The following DYNC1I1 variants were observed in gnomAD, a reference collection of about 807,000 sequenced individuals.
The protein encoded by DYNC1I1 is cytoplasmic dynein 1 intermediate chain 1.
A neutral mutation model predicts 86.6 loss-of-function variants in DYNC1I1; 43 were observed. The ratio of observed to expected loss-of-function variants is 0.50; its 90% confidence interval spans 0.39 to 0.64. The LOEUF is 0.64. Ranked by LOEUF, DYNC1I1 falls within the 30% of genes least tolerant of loss-of-function variation. The probability of loss-of-function intolerance (pLI) is 0.00; values close to 1 mark genes in which losing one functional copy is unlikely to be tolerated. For synonymous variants in DYNC1I1, 262 were observed against 283.7 expected (o/e 0.92, Z 0.77); for missense variants, 604 against 788.8 (o/e 0.77, Z 2.81).
In DYNC1I1 at chr7:96,097,749, G is replaced by T; in HGVS notation, c.*156G>T. The T allele has an allele frequency of 7.3e-7, 1 of 1,377,072 alleles. No homozygotes were observed. Among genetic ancestry groups the T allele is most frequent in the Non-Finnish European group, 9.4e-7 (1 of 1,059,108 alleles). The allele number at this position is 1,377,072 out of a possible 1,614,324, so 85.3% of individuals were successfully genotyped here. A position where few individuals can be genotyped will look rare whatever the true frequency, so the allele number is the denominator to read the frequency against. ...CAGCTTTGCTCCAAGTATTCTAAAT[G>T]TGTCCCATCATGCTTTCCACTGACC... is the stretch of plus-strand genomic sequence containing the variant. On this transcript the variant is annotated 3_prime_UTR_variant, in exon 17 of 17. Transcript: ENST00000447467.
chr7:96,057,230 A>G (rs1049536360), intron 14 of DYNC1I1, among the ~76,000 whole-genome samples: 3 of 152,170 alleles, frequency 2.0e-5, no homozygotes, highest in African/African-American at 7.2e-5. Context: ...GAGAATGAGG[A>G]AAGTATTGGA....
chr7:96,073,208 T>C (rs1300055660), intron 14 of DYNC1I1, among the ~76,000 whole-genome samples: 1 of 152,220 alleles, frequency 6.6e-6, no homozygotes, highest in Non-Finnish European at 1.5e-5. Flanking sequence ...CTAGAATTAT[T>C]TGCACAGCAA....
intron 7 of DYNC1I1, among the ~76,000 whole-genome samples, chr7:95,980,373 C>T (rs911671249): frequency 2.0e-5 from 3 of 151,294 alleles, no homozygotes; most frequent in Non-Finnish European, 2.9e-5. Context: ...CAGATATAAT[C>T]GTGGCGCCAT....
At chr7:95,870,661 A>G (rs767582228) in intron 6 of DYNC1I1, among the ~76,000 whole-genome samples, 1 of 152,262 alleles carries the variant, frequency 6.6e-6, no homozygotes, top group Non-Finnish European at 1.5e-5. Context: ...GGTGAATGGA[A>G]ATTGAACTCC....
chr7:95,778,783 T>C (rs1184093799), intron 1 of DYNC1I1, among the ~76,000 whole-genome samples: 2 of 152,028 alleles, frequency 1.3e-5, no homozygotes, highest in Admixed American at 6.6e-5. Context: ...AACTCATCCT[T>C]CCAAGTAACT....
intron 5 of DYNC1I1, among the ~76,000 whole-genome samples, chr7:95,861,865 A>T (rs1430334853): frequency 1.3e-5 from 2 of 152,154 alleles, no homozygotes; most frequent in African/African-American, 2.4e-5. Flanking sequence ...CATCTGTGAG[A>T]TTTAGCACCT....
chr7:96,031,151 G>A (rs1794799045), intron 11 of DYNC1I1, among the ~76,000 whole-genome samples: 1 of 152,126 alleles, frequency 6.6e-6, no homozygotes, highest in Non-Finnish European at 1.5e-5. Flanking sequence ...ATGCTACCCA[G>A]GTTTCTATAT....
intron 4 of DYNC1I1, chr7:95,819,007 C>T (rs1795014366): frequency 6.6e-6 from 1 of 152,332 alleles, no homozygotes. Context: ...TAACCCAAAA[C>T]ACTGATATTC....
At chr7:95,816,529 C>T (rs979954784) in intron 4 of DYNC1I1, among the ~76,000 whole-genome samples, 1 of 152,076 alleles carries the variant, frequency 6.6e-6, no homozygotes, top group African/African-American at 2.4e-5. Context: ...TTCTCCTGAT[C>T]GGTTTTGGTA....
Position 95,878,962 on chromosome 7 carries a change from AAAC to A in DYNC1I1, c.490+8968_490+8970del, listed in dbSNP as rs1488428802. On this transcript the variant is annotated intron_variant, in intron 6 of 16. Coordinates refer to ENST00000447467, the MANE Select transcript of DYNC1I1 (RefSeq NM_001135556.2). ...CCCAAAGAAAAGAAGAAAAAAAAAA[AAAC>A]AACTATCAATCAAGAATCACTACCC... 2.1e-3 allele frequency among the ~76,000 whole-genome samples: 315 copies of A among 151,820 alleles called. 1 individual carries two copies. Among genetic ancestry groups the A allele is most frequent in the African/African-American group, 7.1e-3 (295 of 41,458 alleles).
In DYNC1I1 at chr7:95,987,127, T is replaced by A. The variant is rs1389913979; in HGVS notation, c.815T>A (p.Val272Glu). The change falls in exon 9 of 17, where the codon GTG becomes GAG. Residue 272 changes from valine (V) to glutamate (E), a missense_variant. Val to Glu is a moderately radical substitution (Grantham distance 121). Transcript: ENST00000447467. ...GATGAACATTGGTCCAAGCATCGAG[T>A]GGTCACTTGTATGGACTGGTCCCTC... ...FYDEHWSKHR[V>E]VTCMDWSLQY... is the part of the protein sequence containing the mutation. The A allele has an allele frequency of 6.2e-7, 1 of 1,613,962 alleles. No homozygotes were observed. Among genetic ancestry groups the A allele is most frequent in the Non-Finnish European group, 8.5e-7 (1 of 1,179,888 alleles).
chr7:96,068,106 C>T (rs1790047881), intron 14 of DYNC1I1, among the ~76,000 whole-genome samples: 1 of 152,062 alleles, frequency 6.6e-6, no homozygotes, highest in Admixed American at 6.6e-5. Flanking sequence ...GCAAATTGTC[C>T]AGGACCCATA....
intron 14 of DYNC1I1, among the ~76,000 whole-genome samples, chr7:96,060,850 G>A (rs991309407): frequency 6.6e-6 from 1 of 151,920 alleles, no homozygotes; most frequent in Non-Finnish European, 1.5e-5. Context: ...ACTCAATGAC[G>A]CTTCAGTAAT....
chr7:96,066,151 C>T (rs1228244756), intron 14 of DYNC1I1, among the ~76,000 whole-genome samples: 1 of 152,206 alleles, frequency 6.6e-6, no homozygotes, highest in Non-Finnish European at 1.5e-5. Flanking sequence ...AGGCTGTCCC[C>T]ACCTCTCATC....
At chr7:96,039,461 G>C (rs1216036623) in intron 14 of DYNC1I1, 40 bp downstream of exon 14, 1 of 1,612,056 alleles carries the variant, frequency 6.2e-7, no homozygotes, top group Admixed American at 1.7e-5. Context: ...TAATACATAA[G>C]GGCAGAGGAT....
intron 16 of DYNC1I1, among the ~76,000 whole-genome samples, chr7:96,081,197 T>C (rs920497842): frequency 2.6e-5 from 4 of 152,086 alleles, no homozygotes; most frequent in Admixed American, 2.0e-4. Flanking sequence ...GTGTAGCCAA[T>C]TGAGAATGTG....
intron 16 of DYNC1I1, among the ~76,000 whole-genome samples, chr7:96,081,236 G>T (rs1408000030): frequency 6.6e-6 from 1 of 150,540 alleles, no homozygotes; most frequent in Non-Finnish European, 1.5e-5. Context: ...CCACTTGGTG[G>T]TATTCAAATT....
At chr7:96,049,861 G>A (rs1247203053) in intron 14 of DYNC1I1, among the ~76,000 whole-genome samples, 5 of 151,684 alleles carry the variant, frequency 3.3e-5, no homozygotes, top group Non-Finnish European at 4.4e-5. Context: ...GTGAAACCCC[G>A]TCCCTACTAA....
chr7:95,912,761 A>G (rs1791372481), intron 6 of DYNC1I1, among the ~76,000 whole-genome samples: 1 of 152,192 alleles, frequency 6.6e-6, no homozygotes, highest in South Asian at 2.1e-4. Flanking sequence ...AGCCCTGGTC[A>G]AGGACTAATA....
Sources: gnomAD v4.1 joint callset for allele counts (sites outside exome capture counted in the v4.1 genomes callset) on GRCh38, gnomAD v4.1.1 for gene constraint, MANE v1.5 for transcripts, NCBI Gene and HGNC (gene_info 2026-07-23, HGNC 2026-07-21) for gene names.